The following CADM2 variants were observed in gnomAD, a reference collection of about 807,000 sequenced individuals.
CADM2 encodes the protein immunoglobulin superfamily member 4D.
CADM2 carries 12 observed loss-of-function variants against 49.8 expected under a neutral mutation model. The observed-to-expected ratio is 0.24, with a 90% CI of 0.15 to 0.39. CADM2 has a LOEUF of 0.39. CADM2 is among the 10% of genes least tolerant of loss of function. CADM2 has a pLI of 1.00. For missense variants in CADM2, 378 were observed against 492.3 expected (o/e 0.77, Z 2.20); for synonymous variants, 214 against 175.4 (o/e 1.22, Z -1.74).
chr3:85,744,637 A>G (rs1328287701), intron 2 of CADM2, among the ~76,000 whole-genome samples: 2 of 152,112 alleles, frequency 1.3e-5, no homozygotes, highest in Admixed American at 6.6e-5. Flanking sequence ...CCATGAGGCT[A>G]TTGGGGGATG....
intron 8 of CADM2, among the ~76,000 whole-genome samples, chr3:86,020,324 C>A (rs36136070): frequency 6.6e-6 from 1 of 151,270 alleles, no homozygotes; most frequent in Middle Eastern, 3.4e-3. Flanking sequence ...ATAACAGGAG[C>A]TGAAATTGTG....
chr3:85,791,984 A>C (rs1029149784), intron 2 of CADM2, among the ~76,000 whole-genome samples: 4 of 152,084 alleles, frequency 2.6e-5, no homozygotes, highest in Non-Finnish European at 5.9e-5. Context: ...CGGCCTCCCA[A>C]AGTGCTGGGA....
At chr3:85,911,420 T>C (rs1717572603) in intron 5 of CADM2, among the ~76,000 whole-genome samples, 1 of 152,206 alleles carries the variant, frequency 6.6e-6, no homozygotes, top group African/African-American at 2.4e-5. Flanking sequence ...ATAAATGAAT[T>C]CACATCTTGT....
At chr3:85,428,250 T>C (rs2036503266) in intron 1 of CADM2, among the ~76,000 whole-genome samples, 1 of 149,110 alleles carries the variant, frequency 6.7e-6, no homozygotes, top group South Asian at 2.1e-4. Context: ...TATATATACT[T>C]GAACTTAAAT....
chr3:85,396,941 A>C (rs993117998), intron 1 of CADM2, among the ~76,000 whole-genome samples: 1 of 152,106 alleles, frequency 6.6e-6, no homozygotes, highest in African/African-American at 2.4e-5. Flanking sequence ...TTTGTTTATC[A>C]AAACTTAACT....
intron 1 of CADM2, among the ~76,000 whole-genome samples, chr3:85,169,019 C>A (rs1280077944): frequency 2.0e-5 from 3 of 152,088 alleles, no homozygotes; most frequent in African/African-American, 7.2e-5. Flanking sequence ...ATGGTGTGAT[C>A]TCTGCTCACT....
chr3:86,052,782 A>G (rs1737492545), intron 8 of CADM2, among the ~76,000 whole-genome samples: 1 of 152,032 alleles, frequency 6.6e-6, no homozygotes, highest in Non-Finnish European at 1.5e-5. Flanking sequence ...GAGTATGCAA[A>G]TTTTCTGTAT....
At chr3:85,346,135 G>A (rs2030616388) in intron 1 of CADM2, among the ~76,000 whole-genome samples, 1 of 152,098 alleles carries the variant, frequency 6.6e-6, no homozygotes, top group Non-Finnish European at 1.5e-5. Flanking sequence ...ATTTCAGCCA[G>A]GTATGGAAAA....
intron 2 of CADM2, among the ~76,000 whole-genome samples, chr3:85,768,018 G>A (rs965782837): frequency 6.6e-6 from 1 of 152,032 alleles, no homozygotes; most frequent in Non-Finnish European, 1.5e-5. Flanking sequence ...TTGTTCAGAC[G>A]ATAATGTATC....
intron 1 of CADM2, among the ~76,000 whole-genome samples, chr3:85,295,274 T>C (rs978348181): frequency 2.0e-4 from 30 of 151,394 alleles, no homozygotes; most frequent in Non-Finnish European, 4.0e-4. Context: ...TGGCAATCAT[T>C]AAAAAGTCAG....
At chr3:85,726,914 T>C (rs2067721155) in intron 2 of CADM2, among the ~76,000 whole-genome samples, 1 of 152,086 alleles carries the variant, frequency 6.6e-6, no homozygotes. Flanking sequence ...GTCTCAAAAA[T>C]GAGTATGCTT....
At chr3:85,667,210 A>G (rs1215810660) in intron 1 of CADM2, among the ~76,000 whole-genome samples, 1 of 152,040 alleles carries the variant, frequency 6.6e-6, no homozygotes, top group Non-Finnish European at 1.5e-5. Flanking sequence ...TAATAGAAAC[A>G]TAGGAGGAAA....
chr3:85,332,438 T>C (rs1230978969), intron 1 of CADM2, among the ~76,000 whole-genome samples: 1 of 151,986 alleles, frequency 6.6e-6, no homozygotes, highest in Admixed American at 6.6e-5. Context: ...CACAGAGGGA[T>C]CCTTGAAAAA....
chr3:85,965,632 A>G (rs948587356), intron 8 of CADM2, among the ~76,000 whole-genome samples: 12 of 151,648 alleles, frequency 7.9e-5, no homozygotes, highest in African/African-American at 2.9e-4. Context: ...CAACAATGTT[A>G]ACACATTGAC....
At position 85,961,556 on chromosome 3, in the gene CADM2, T is replaced by C. The variant is rs1455587935; in HGVS notation, c.879T>C (p.Leu293=). 1.2e-6 allele frequency: 2 copies of C among 1,610,916 alleles called. No homozygotes were observed. Among genetic ancestry groups the C allele is most frequent in the East Asian group, 2.2e-5 (1 of 44,770 alleles). Residue 293 remains leucine, a synonymous_variant, in exon 8 of 10, where the codon CTT becomes CTC. Coordinates refer to ENST00000383699, the MANE Select transcript of CADM2 (RefSeq NM_001167675.2). ...MVVSGRELNI[L]FLNKTDNGTY... ...TGAGTGGTAGGGAGCTAAACATTCT[T>C]TTCCTGAACAAAACGGATAATGGTA...
At chr3:85,331,725 T>C (rs1333288218) in intron 1 of CADM2, among the ~76,000 whole-genome samples, 2 of 152,034 alleles carry the variant, frequency 1.3e-5, no homozygotes, top group Non-Finnish European at 2.9e-5. Context: ...TGTGATAATT[T>C]ACATTCCCAC....
At chr3:85,097,272 A>C (rs1305029150) in intron 1 of CADM2, among the ~76,000 whole-genome samples, 1 of 152,200 alleles carries the variant, frequency 6.6e-6, no homozygotes, top group East Asian at 1.9e-4. Flanking sequence ...TCCTTGTGAT[A>C]GTTTGCTGAG....
At chr3:85,927,999 G>C (rs1720100586) in intron 6 of CADM2, among the ~76,000 whole-genome samples, 1 of 151,922 alleles carries the variant, frequency 6.6e-6, no homozygotes, top group African/African-American at 2.4e-5. Flanking sequence ...CTTCATCACA[G>C]GTCTTTTCTC....
At chr3:85,624,117 A>C (rs76439809) in intron 1 of CADM2, among the ~76,000 whole-genome samples, 18,972 of 152,206 alleles carry the variant, frequency 0.12, 1,326 homozygotes, top group African/African-American at 0.19. Flanking sequence ...AGGCTAATTA[A>C]TTCATATAAC....
Sources: gnomAD v4.1 joint callset for allele counts (sites outside exome capture counted in the v4.1 genomes callset) on GRCh38, gnomAD v4.1.1 for gene constraint, MANE v1.5 for transcripts, NCBI Gene and HGNC (gene_info 2026-07-23, HGNC 2026-07-21) for gene names.